Variants in DPEP1 observed in about 807,000 individuals in gnomAD.
DPEP1 encodes the protein beta-lactamase.
DPEP1 carries 50 observed loss-of-function variants against 42.3 expected under a neutral mutation model. The ratio of observed to expected loss-of-function variants is 1.18; its 90% CI spans 0.94 to 1.50. The LOEUF (loss-of-function observed/expected upper bound fraction) is 1.50. DPEP1 is among the 40% of genes most tolerant of loss of function. The pLI, the probability that DPEP1 is intolerant of heterozygous loss-of-function variation, is 0.00. For synonymous variants in DPEP1, 297 were observed against 234.0 expected (o/e 1.27, Z -2.46); for missense variants, 663 against 553.0 (o/e 1.20, Z -1.99).
At chr16:89,622,653 G>A (rs1010984979) in intron 1 of DPEP1, among the ~76,000 whole-genome samples, 30 of 151,682 alleles carry the variant, frequency 2.0e-4, no homozygotes, top group African/African-American at 7.0e-4. Flanking sequence ...GCGTGGTGGC[G>A]GGCACCTGTA....
At chr16:89,624,864 G>T (rs1422272521) in intron 1 of DPEP1, among the ~76,000 whole-genome samples, 1 of 152,130 alleles carries the variant, frequency 6.6e-6, no homozygotes, top group African/African-American at 2.4e-5. Flanking sequence ...CACCTTTCAT[G>T]GTTCCTATAC....
intron 1 of DPEP1, among the ~76,000 whole-genome samples, chr16:89,624,395 G>A (rs1223356844): frequency 6.6e-6 from 1 of 152,122 alleles, no homozygotes; most frequent in Non-Finnish European, 1.5e-5. Flanking sequence ...CCATGTCCTC[G>A]GCGTTTGAAC....
rs150916456 is a variant in DPEP1, at chr16:89,629,719, G to A, written c.-106-586G>A. On this transcript the variant is annotated intron_variant, in intron 1 of 10. Transcript: ENST00000690203. ...CTCTGCTGAGTCCTAGAGAGGCCCC[G>A]GTTCTAAGGACGTGTCTAGCTGCTT... 1.4e-3 allele frequency among the ~76,000 whole-genome samples: 208 copies of A among 152,310 alleles called. 2 individuals carry two copies. Among genetic ancestry groups the A allele is most frequent in the African/African-American group, 4.4e-3 (184 of 41,568 alleles).
At chr16:89,621,000 G>T (rs1000366412) in intron 1 of DPEP1, among the ~76,000 whole-genome samples, 1 of 152,182 alleles carries the variant, frequency 6.6e-6, no homozygotes, top group African/African-American at 2.4e-5. Context: ...GGATGGAACC[G>T]GGTGGGGGGC....
chr16:89,627,077 C>A (rs535505904), intron 1 of DPEP1, among the ~76,000 whole-genome samples: 1 of 149,860 alleles, frequency 6.7e-6, no homozygotes, highest in Non-Finnish European at 1.5e-5. Context: ...CTGGCTAAAA[C>A]GGTGAAAACT....
intron 1 of DPEP1, among the ~76,000 whole-genome samples, chr16:89,628,771 A>G (rs966127606): frequency 6.6e-6 from 1 of 151,460 alleles, no homozygotes; most frequent in Non-Finnish European, 1.5e-5. Flanking sequence ...AAAAATCAGA[A>G]TATTGGGCCT....
At chr16:89,640,261 C>G (rs564478672), downstream of DPEP1, among the ~76,000 whole-genome samples, 273 of 152,336 alleles carry the variant, frequency 1.8e-3, 1 homozygote, top group African/African-American at 6.2e-3. Flanking sequence ...ACAGCCCCCA[C>G]AGGCTCTGTA....
At chr16:89,630,730 C>T (rs79253754) in intron 2 of DPEP1, among the ~76,000 whole-genome samples, 2 of 13,326 alleles carry the variant, frequency 1.5e-4, no homozygotes, top group South Asian at 2.5e-3. Context: ...GGTGCCGGGG[C>T]TGGGGGTGCC....
intron 1 of DPEP1, among the ~76,000 whole-genome samples, chr16:89,627,484 G>C (rs552111336): frequency 1.1e-4 from 17 of 150,394 alleles, no homozygotes; most frequent in African/African-American, 3.9e-4. Context: ...TCCGGAGGCC[G>C]AGGCATGAGA....
intron 2 of DPEP1, among the ~76,000 whole-genome samples, chr16:89,634,170 G>C (rs1597767199): frequency 6.9e-6 from 1 of 144,266 alleles, no homozygotes; most frequent in African/African-American, 2.5e-5. Context: ...CTCACTGCAA[G>C]CTCTGCCTCC....
At chr16:89,617,956 G>A (rs1004093558) in intron 1 of DPEP1, among the ~76,000 whole-genome samples, 9 of 152,132 alleles carry the variant, frequency 5.9e-5, no homozygotes, top group Non-Finnish European at 8.8e-5. Context: ...CCTGGGAGAC[G>A]GAGGTTGCAG....
At chr16:89,633,711 G>T (rs1597765787) in intron 2 of DPEP1, among the ~76,000 whole-genome samples, 2 of 152,196 alleles carry the variant, frequency 1.3e-5, no homozygotes, top group East Asian at 3.8e-4. Flanking sequence ...TGTTACAGAT[G>T]GGGAAACTGA....
intron 1 of DPEP1, among the ~76,000 whole-genome samples, chr16:89,620,105 T>C (rs923364969): frequency 6.6e-6 from 1 of 151,406 alleles, no homozygotes; most frequent in African/African-American, 2.4e-5. Context: ...CCTCCTTGGA[T>C]TTCGAAAGCC....
Position 89,636,571 on chromosome 16 carries a change from C to G in DPEP1, c.409C>G (p.Leu137Val). The change falls in exon 5 of 11, where the codon CTG becomes GTG. Residue 137 changes from leucine to valine, a missense_variant. Coordinates refer to ENST00000690203, the MANE Select transcript of DPEP1 (RefSeq NM_001389466.1). ...CTTCCGGGAAGGGAAGGTGGCCAGC[C>G]TGATCGGCGTGGAGGGCGGCCACTC... ...QAFREGKVASLIGVEGGHSID... is the reference protein window; with the variant it reads ...QAFREGKVASVIGVEGGHSID... 2 of 1,612,490 alleles carry G rather than the reference C, an allele frequency of 1.2e-6. No homozygotes were observed. The highest frequency in any genetic ancestry group is 4.5e-5 in the East Asian group (2 of 44,878).
At chr16:89,631,004 T>G (rs1352066545) in intron 2 of DPEP1, among the ~76,000 whole-genome samples, 1 of 152,052 alleles carries the variant, frequency 6.6e-6, no homozygotes, top group Non-Finnish European at 1.5e-5. Flanking sequence ...CCACACTCCC[T>G]GGTCCCGAAG....
At position 89,630,375 on chromosome 16, in the gene DPEP1, G is replaced by A. The variant is rs1396884477; in HGVS notation, c.-36G>A. On this transcript the variant is annotated 5_prime_UTR_variant, in exon 2 of 11. Coordinates refer to ENST00000690203, the MANE Select transcript of DPEP1 (RefSeq NM_001389466.1). ...CAGCCAGGCCAGCACAGAGGCACCAGGGCAGCAGTGCACACAGGTCCCCGG... is the reference window on the plus strand; with the variant it reads ...CAGCCAGGCCAGCACAGAGGCACCAAGGCAGCAGTGCACACAGGTCCCCGG... 3 of 1,567,432 alleles carry A rather than the reference G, an allele frequency of 1.9e-6. No homozygotes were observed. The highest frequency in any genetic ancestry group is 1.7e-5 in the Admixed American group (1 of 59,014).
chr16:89,614,656 G>C (rs187484942), intron 1 of DPEP1, among the ~76,000 whole-genome samples: 5 of 152,166 alleles, frequency 3.3e-5, no homozygotes, highest in Non-Finnish European at 7.3e-5. Flanking sequence ...TTAGCCGGGC[G>C]TGGTGGCGGG....
At chr16:89,628,788 A>T (rs1313048034) in intron 1 of DPEP1, among the ~76,000 whole-genome samples, 1 of 151,568 alleles carries the variant, frequency 6.6e-6, no homozygotes, top group Non-Finnish European at 1.5e-5. Context: ...GCCTGTCTTT[A>T]TTTTAAAGGT....
chr16:89,616,256 C>G (rs924812959), intron 1 of DPEP1, among the ~76,000 whole-genome samples: 1 of 151,988 alleles, frequency 6.6e-6, no homozygotes, highest in Non-Finnish European at 1.5e-5. Flanking sequence ...TAGCCAGTGT[C>G]GACGAAACAG....
Sources: allele counts gnomAD v4.1 joint callset (sites outside exome capture counted in the v4.1 genomes callset), GRCh38; gene constraint gnomAD v4.1.1; transcripts MANE v1.5; gene names NCBI Gene and HGNC (gene_info 2026-07-23, HGNC 2026-07-21).